Variants in LRP5 observed in about 807,000 individuals in gnomAD.
The protein encoded by LRP5 is LDL receptor related protein 5.
LRP5 carries 62 observed loss-of-function variants against 154.1 expected under a neutral mutation model. That is an observed-to-expected ratio of 0.40 (90% CI 0.33 to 0.50). LRP5 has a LOEUF of 0.50. Ranked by LOEUF, LRP5 falls within the 20% of genes least tolerant of loss-of-function variation. The pLI, the probability that LRP5 is intolerant of heterozygous loss-of-function variation, is 0.55. For missense variants in LRP5, 1,915 were observed against 2,336.7 expected (o/e 0.82, Z 3.72); for synonymous variants, 966 against 1,011.5 (o/e 0.96, Z 0.85).
intron 6 of LRP5, among the ~76,000 whole-genome samples, chr11:68,387,122 T>C (rs2098643502): frequency 6.6e-6 from 1 of 151,232 alleles, no homozygotes; most frequent in Admixed American, 6.6e-5. Flanking sequence ...TTTTTTTCTT[T>C]TTTTTTTTTT....
chr11:68,402,846 G>A (rs148423708), intron 7 of LRP5, among the ~76,000 whole-genome samples: 2 of 152,352 alleles, frequency 1.3e-5, no homozygotes, highest in East Asian at 3.9e-4. Context: ...TGCCTGGTCT[G>A]TTCCAAATCT....
chr11:68,341,552 T>C (rs1472954803), intron 1 of LRP5, among the ~76,000 whole-genome samples: 1 of 152,130 alleles, frequency 6.6e-6, no homozygotes, highest in Admixed American at 6.5e-5. Flanking sequence ...TGTGTAGCTG[T>C]GACCCCTGAG....
intron 4 of LRP5, 32 bp downstream of exon 4, chr11:68,363,975 TGCGGGGGCTGGGGGGA>T (rs2098629453): frequency 3.8e-6 from 1 of 262,438 alleles, no homozygotes; most frequent in Non-Finnish European, 6.6e-6. Flanking sequence ...GGGGCGAGGG[TGCGGGGGCTGGGGGGA>T]GCGGGGGCGC....
chr11:68,390,990 T>C (rs1270196416), intron 7 of LRP5, among the ~76,000 whole-genome samples: 1 of 152,234 alleles, frequency 6.6e-6, no homozygotes, highest in Non-Finnish European at 1.5e-5. Flanking sequence ...TTGTTTGTTT[T>C]TGTTGTCGTT....
chr11:68,328,570 G>T (rs1035279079), intron 1 of LRP5, among the ~76,000 whole-genome samples: 1 of 152,156 alleles, frequency 6.6e-6, no homozygotes, highest in Non-Finnish European at 1.5e-5. Flanking sequence ...CTCCCACCTC[G>T]ATGGAAACCA....
intron 5 of LRP5, among the ~76,000 whole-genome samples, chr11:68,385,100 G>A (rs1406067469): frequency 3.9e-5 from 6 of 152,196 alleles, no homozygotes; most frequent in Non-Finnish European, 8.8e-5. Flanking sequence ...AAGTCTTAGG[G>A]GCTGGCAAAT....
chr11:68,308,905 A>G (rs1432407819), upstream of LRP5, among the ~76,000 whole-genome samples: 2 of 128,926 alleles, frequency 1.6e-5, no homozygotes, highest in Non-Finnish European at 3.3e-5. Context: ...CCCGCCACCA[A>G]GCCCAACTAA....
chr11:68,405,660 A>T (rs2098655243), intron 8 of LRP5, among the ~76,000 whole-genome samples: 1 of 152,100 alleles, frequency 6.6e-6, no homozygotes, highest in Non-Finnish European at 1.5e-5. Context: ...GCTAAAGGAG[A>T]TGGGAAAAAG....
chr11:68,395,895 A>T (rs1451556363), intron 7 of LRP5, among the ~76,000 whole-genome samples: 1 of 152,072 alleles, frequency 6.6e-6, no homozygotes, highest in African/African-American at 2.4e-5. Context: ...TCTGCGAGTC[A>T]TGGCTGCTTC....
chr11:68,311,801 C>T (rs1198240403), upstream of LRP5, among the ~76,000 whole-genome samples: 1 of 152,172 alleles, frequency 6.6e-6, no homozygotes, highest in Non-Finnish European at 1.5e-5. Flanking sequence ...AGGGCACAGT[C>T]GTTCTAGAAA....
chr11:68,401,695 G>C (rs534853598), intron 7 of LRP5, among the ~76,000 whole-genome samples: 43 of 152,048 alleles, frequency 2.8e-4, no homozygotes, highest in African/African-American at 9.9e-4. Context: ...TCTCCTAACA[G>C]CTTTTTTTTT....
the LRP5 span, among the ~76,000 whole-genome samples, chr11:68,303,353 T>A: frequency 2.0e-5 from 3 of 152,164 alleles, no homozygotes; most frequent in Non-Finnish European, 2.9e-5. Flanking sequence ...AGGAACTTAT[T>A]GGGAACTGGA....
rs142941355 is a variant in LRP5 at position 68,403,137 on chromosome 11, C to T, written c.1585-346C>T. On this transcript the variant is annotated intron_variant, in intron 7 of 22. Coordinates refer to ENST00000294304, the MANE Select transcript of LRP5 (RefSeq NM_002335.4). ...GCGGGTACCTGTAATCCGAGCTACT[C>T]GGGAGGCTGAGGCAGGAGAATCGCT... Among the ~76,000 whole-genome samples, 466 of 152,134 alleles carry T rather than the reference C, an allele frequency of 3.1e-3. 6 individuals carry two copies. Among genetic ancestry groups the T allele is most frequent in the African/African-American group, 1.0e-2 (413 of 41,492 alleles).
rs1363253660 is a variant in LRP5 at position 68,406,643 on chromosome 11, A to G, written c.1921A>G (p.Ile641Val). The change falls in exon 9 of 23, where the codon ATC (isoleucine) becomes GTC (valine). Residue 641 changes from isoleucine to valine, a missense_variant. Physicochemically the swap from Ile to Val is conservative, Grantham distance 29 (BLOSUM62 3). This residue lies in a region of LRP5 where 773 missense variants were observed against 1,100.9 expected (regional missense o/e 0.70). Transcript: ENST00000294304. ...LELLSDMKTC[I>V]VPEAFLVFTS... ...GCTGCTGAGTGACATGAAGACCTGC[A>G]TCGTGCCTGAGGCCTTCTTGGTCTT... The G allele has an allele frequency of 1.2e-6, 2 of 1,614,170 alleles. No homozygotes were observed. The highest frequency in any genetic ancestry group is 8.5e-7 in the Non-Finnish European group (1 of 1,180,042).
intron 9 of LRP5, among the ~76,000 whole-genome samples, chr11:68,409,068 AAAAAAAT>A (rs2098657492): frequency 5.0e-5 from 2 of 39,614 alleles, no homozygotes; most frequent in African/African-American, 8.6e-5. Flanking sequence ...AAAAAAAAAA[AAAAAAAT>A]ATATATATAT....
At chr11:68,352,094 G>A (rs918919824) in intron 2 of LRP5, among the ~76,000 whole-genome samples, 2 of 152,238 alleles carry the variant, frequency 1.3e-5, no homozygotes, top group East Asian at 1.9e-4. Context: ...TGGCTGGAGC[G>A]AGAGTGAGCT....
Position 68,342,070 on chromosome 11 carries a change from CTT to C in LRP5, c.92-5762_92-5761del, listed in dbSNP as rs111847163. Among the ~76,000 whole-genome samples the C allele has an allele frequency of 2.9e-4, 39 of 133,742 alleles. No individual in the cohort carries two copies. The South Asian group carries it at 4.0e-3, about 14-fold the overall frequency. 87.7% of individuals were successfully genotyped at this position (133,742 alleles called of 152,430 possible). A position where few individuals can be genotyped will look rare whatever the true frequency, so the allele number is the denominator to read the frequency against. On this transcript the variant is annotated intron_variant, in intron 1 of 22. Coordinates refer to ENST00000294304, the MANE Select transcript of LRP5 (RefSeq NM_002335.4). ...CTTTTCTCCTGAACTGTCCTCTTTGCTTTTTTTTTTTTTTTTAAGCTTTAAAA... is the reference window on the plus strand; with the variant it reads ...CTTTTCTCCTGAACTGTCCTCTTTGCTTTTTTTTTTTTTTAAGCTTTAAAA...
intron 19 of LRP5, among the ~76,000 whole-genome samples, chr11:68,438,145 C>T (rs760251701): frequency 1.3e-5 from 2 of 152,156 alleles, no homozygotes; most frequent in Admixed American, 1.3e-4. Context: ...CTGCCACCAC[C>T]GAGGGCCCTG....
intron 1 of LRP5, among the ~76,000 whole-genome samples, chr11:68,344,045 C>A (rs1386865244): frequency 6.6e-6 from 1 of 152,012 alleles, no homozygotes; most frequent in East Asian, 2.0e-4. Context: ...CCTTCCCCCG[C>A]CCGAGGGACT....
Sources: allele counts gnomAD v4.1 joint callset (sites outside exome capture counted in the v4.1 genomes callset), GRCh38; gene constraint gnomAD v4.1.1; regional missense constraint gnomAD v4.1.1; transcripts MANE v1.5; gene names NCBI Gene and HGNC (gene_info 2026-07-23, HGNC 2026-07-21).